The following MX1 variants were observed in gnomAD, a reference collection of about 807,000 sequenced individuals.
MX1 encodes the protein MX dynamin like GTPase 1.
Under a neutral mutation model 66.4 loss-of-function variants are expected in MX1, and 66 were observed. The ratio of observed to expected loss-of-function variants is 0.99; its 90% CI spans 0.82 to 1.22. The LOEUF is 1.22. Among genes scored for constraint, MX1 ranks in the 50% most tolerant of loss-of-function variants. MX1 has a pLI of 0.00. For synonymous variants in MX1, 311 were observed against 318.1 expected, an observed-to-expected ratio of 0.98 and a Z score of 0.24; for missense variants, 787 against 834.3, an observed-to-expected ratio of 0.94 and a Z score of 0.70.
intron 5 of MX1, 141 bp from the exon 6 acceptor site, chr21:41,435,696 C>G: frequency 1.1e-6 from 1 of 925,674 alleles, no homozygotes; most frequent in Non-Finnish European, 1.6e-6. Flanking sequence ...ATCCAATTAC[C>G]TCCACCTGGT....
intron 14 of MX1, among the ~76,000 whole-genome samples, chr21:41,450,217 A>G (rs6517668): frequency 0.51 from 77,075 of 151,836 alleles, 20,906 homozygotes; most frequent in African/African-American, 0.71. Flanking sequence ...TGTGTTTGGA[A>G]CCTTTTGGAG....
chr21:41,439,876 G>A, intron 8 of MX1, 28 bp downstream of exon 8: 4 of 1,601,624 alleles, frequency 2.5e-6, no homozygotes, highest in Middle Eastern at 1.7e-4. Flanking sequence ...TTCTGACCTT[G>A]GCCGTGGCGT....
chr21:41,434,943 G>T (rs1353893920), intron 5 of MX1, among the ~76,000 whole-genome samples: 1 of 152,170 alleles, frequency 6.6e-6, no homozygotes, highest in Non-Finnish European at 1.5e-5. Context: ...AACATTTCCT[G>T]TAGTGCAGGT....
Position 41,441,369 on chromosome 21 carries a change from C to T in MX1, c.730+344C>T. ...CAGAAAGGCACAGTGGGCTCGGAAG[C>T]AGGTCAAACTCAGGAGGCACATGGT... On this transcript the variant is annotated intron_variant, in intron 9 of 16. Transcript: ENST00000398598. The surrounding 1 kb of genome is among the most constrained non-coding windows in gnomAD (Gnocchi z 4.0). 2.3e-6 allele frequency: 1 copy of T among 429,914 alleles called. No homozygotes were observed. Among genetic ancestry groups the T allele is most frequent in the Non-Finnish European group, 4.3e-6 (1 of 230,996 alleles). The allele number at this position is 429,914 out of a possible 1,614,324, so 26.6% of individuals were successfully genotyped here.
intron 11 of MX1, among the ~76,000 whole-genome samples, 198 bp from the exon 12 acceptor site, chr21:41,445,250 G>A (rs469270): frequency 0.5 from 75,200 of 151,842 alleles, 19,616 homozygotes; most frequent in Non-Finnish European, 0.59. Context: ...GTGGGGAAGG[G>A]GGAAGACCTG....
Position 41,441,228 on chromosome 21 carries a change from C to G in MX1, c.730+203C>G, listed in dbSNP as rs935289782. On this transcript the variant is annotated intron_variant, in intron 9 of 16. Transcript: ENST00000398598. The surrounding 1 kb of genome is among the most constrained non-coding windows in gnomAD (Gnocchi z 4.0). ...CTCCATGGGCTTTGCTCAGTGGGGA[C>G]CTGCCTCCACTAAGACCTGCTAAGG... 2 of 709,140 alleles carry G rather than the reference C, an allele frequency of 2.8e-6. No individual in the cohort carries two copies. The highest frequency in any genetic ancestry group is 1.8e-5 in the African/African-American group (1 of 56,398). 43.9% of individuals were successfully genotyped at this position (709,140 alleles called of 1,614,324 possible).
Position 41,446,048 on chromosome 21 carries a change from G to C in MX1, c.1180G>C (p.Glu394Gln). 1 of 1,614,110 alleles carries C rather than the reference G, an allele frequency of 6.2e-7. No homozygotes were observed. Among genetic ancestry groups the C allele is most frequent in the Non-Finnish European group, 8.5e-7 (1 of 1,179,978 alleles). ...QDITALMQGE[E>Q]TVGEEDIRLF... ...CATCACTGCTCTCATGCAAGGAGAG[G>C]AAACTGTAGGGGAGGAAGACATTCG... Residue 394 changes from glutamate (E) to glutamine (Q), a missense_variant, in exon 13 of 17, where the codon GAA (glutamate) becomes CAA (glutamine). Coordinates refer to ENST00000398598, the MANE Select transcript of MX1 (RefSeq NM_002462.5).
chr21:41,428,623 G>C (rs552353291), intron 3 of MX1: 5 of 152,380 alleles, frequency 3.3e-5, no homozygotes, highest in African/African-American at 1.2e-4. Context: ...TCCTCCACAG[G>C]TGTGCGTGCC....
chr21:41,450,614 A>C (rs567971271), intron 14 of MX1, among the ~76,000 whole-genome samples: 2 of 152,354 alleles, frequency 1.3e-5, no homozygotes, highest in Non-Finnish European at 2.9e-5. Context: ...CATAAAAATC[A>C]ACATAGATAT....
intron 14 of MX1, 53 bp downstream of exon 14, chr21:41,449,348 C>T (rs1457588515): frequency 1.0e-5 from 16 of 1,556,680 alleles, no homozygotes; most frequent in South Asian, 2.4e-5. Flanking sequence ...AGGAAAGGTT[C>T]GAACCAAAGC....
intron 5 of MX1, among the ~76,000 whole-genome samples, chr21:41,433,139 G>C (rs1332429908): frequency 1.3e-5 from 2 of 152,208 alleles, no homozygotes; most frequent in Non-Finnish European, 2.9e-5. Context: ...GGGATAGACT[G>C]TGGTTCTCAA....
At chr21:41,429,364 C>G (rs1485458961) in intron 3 of MX1, 3 of 152,210 alleles carry the variant, frequency 2.0e-5, no homozygotes, top group Non-Finnish European at 4.4e-5. Flanking sequence ...GGAAGGGAAT[C>G]TACTCACCAA....
intron 5 of MX1, among the ~76,000 whole-genome samples, chr21:41,433,399 C>T (rs1484539553): frequency 6.6e-6 from 1 of 152,196 alleles, no homozygotes; most frequent in Non-Finnish European, 1.5e-5. Flanking sequence ...AAACTCAGAC[C>T]CTGTCTACGT....
intron 3 of MX1, chr21:41,429,295 T>C (rs532358030): frequency 3.9e-5 from 6 of 152,344 alleles, no homozygotes; most frequent in African/African-American, 1.4e-4. Flanking sequence ...GTTTATGGTT[T>C]ACAGACAAAA....
intron 3 of MX1, 27 bp from the exon 4 acceptor site, chr21:41,430,506 T>C (rs1051613835): frequency 6.6e-6 from 1 of 152,152 alleles, no homozygotes; most frequent in Non-Finnish European, 1.5e-5. Context: ...GTTTGGGTCT[T>C]ACTTGTACAC....
At position 41,449,118 on chromosome 21, in the gene MX1, G is replaced by C. The variant is rs199789584; in HGVS notation, c.1274-19G>C. The stretch of plus-strand genomic sequence containing the variant: ...TTATTTTTGTAAAATAATTTAGAGG[G>C]TTTTTTTTCCTGCTATAGGCCATAA... On this transcript the variant is annotated intron_variant, in intron 13 of 16. Coordinates refer to ENST00000398598, the MANE Select transcript of MX1 (RefSeq NM_002462.5). 1 of 1,558,276 alleles carries C rather than the reference G, an allele frequency of 6.4e-7. No homozygotes were observed. Among genetic ancestry groups the C allele is most frequent in the Non-Finnish European group, 8.7e-7 (1 of 1,153,764 alleles).
At chr21:41,450,669 G>T (rs1445456888) in intron 14 of MX1, among the ~76,000 whole-genome samples, 2 of 151,862 alleles carry the variant, frequency 1.3e-5, no homozygotes, top group Non-Finnish European at 2.9e-5. Flanking sequence ...ATCAATAAGA[G>T]GTTTTCAATC....
intron 16 of MX1, among the ~76,000 whole-genome samples, chr21:41,453,283 CT>C (rs1256784040): frequency 1.3e-5 from 2 of 152,214 alleles, no homozygotes; most frequent in Admixed American, 1.3e-4. Context: ...TTATCTCCCC[CT>C]GAGTCCCTCC....
At chr21:41,420,976 G>A (rs2089987010) in intron 1 of MX1, among the ~76,000 whole-genome samples, 1 of 152,200 alleles carries the variant, frequency 6.6e-6, no homozygotes, top group Admixed American at 6.5e-5. Context: ...AAGAAATAAG[G>A]GGACCCAGGG....
Sources: gnomAD v4.1 joint callset for allele counts (sites outside exome capture counted in the v4.1 genomes callset) on GRCh38, gnomAD v4.1.1 for gene constraint, Gnocchi (gnomAD v3.1) non-coding constraint, MANE v1.5 for transcripts, NCBI Gene and HGNC (gene_info 2026-07-23, HGNC 2026-07-21) for gene names.